Variants in NCOR1 observed in about 807,000 individuals in gnomAD.
The protein encoded by NCOR1 is nuclear receptor corepressor 1.
A neutral mutation model predicts 288.1 loss-of-function variants in NCOR1; 63 were observed. The ratio of observed to expected loss-of-function variants is 0.22; its 90% CI spans 0.18 to 0.27. The LOEUF (loss-of-function observed/expected upper bound fraction) is 0.27. Ranked by LOEUF, NCOR1 falls within the 10% of genes least tolerant of loss-of-function variation. NCOR1 has a pLI of 1.00. For missense variants in NCOR1, 2,397 were observed against 3,019.2 expected (o/e 0.79, Z 4.83); for synonymous variants, 1,007 against 1,065.9 (o/e 0.94, Z 1.08).
rs115674252 is a variant in NCOR1 at position 16,064,079 on chromosome 17, T to G, written c.5210A>C (p.Tyr1737Ser). The G allele has an allele frequency of 6.2e-7, 1 of 1,613,882 alleles. No homozygotes were observed. Among genetic ancestry groups the G allele is most frequent in the African/African-American group, 1.3e-5 (1 of 74,876 alleles). ...TGCCTTTCACTGACCTGGCCGCAGGTAGAGGTCGGAGGAAGCTGCAGCAAT... is the reference window on the plus strand; with the variant it reads ...TGCCTTTCACTGACCTGGCCGCAGGGAGAGGTCGGAGGAAGCTGCAGCAAT... Reference protein sequence around the residue: ...ERIAAASSDLYLRPGSEQPGR... With the variant: ...ERIAAASSDLSLRPGSEQPGR... Residue 1737 changes from tyrosine (Y) to serine (S), a missense_variant, in exon 35 of 46, where the codon TAC becomes TCC. Tyr to Ser is a moderately radical substitution (Grantham distance 144). Around this residue, in one of 11 missense-constraint regions of NCOR1, gnomAD observed 1,872 missense variants for 2,187.8 expected, o/e 0.86. Transcript: ENST00000268712.
chr17:16,046,805 A>G lies in NCOR1; in HGVS notation c.6679+146T>C, dbSNP rs1597809281. 5.5e-6 allele frequency: 5 copies of G among 910,398 alleles called. No homozygotes were observed. In the East Asian group the frequency reaches 1.4e-4, roughly 26 times the overall value. The allele number at this position is 910,398 out of a possible 1,614,324, so 56.4% of individuals were successfully genotyped here. ...TAGAACTCTTCATGGGCTGGCAGACACTTGAGAAGGAACTCTAGGATCAGA... is the reference window on the plus strand; with the variant it reads ...TAGAACTCTTCATGGGCTGGCAGACGCTTGAGAAGGAACTCTAGGATCAGA... On this transcript the variant is annotated intron_variant, in intron 42 of 45. Transcript: ENST00000268712.
At chr17:16,139,286 G>A (rs753515688) in intron 11 of NCOR1, 100 bp from the exon 12 acceptor site, 8 of 902,970 alleles carry the variant, frequency 8.9e-6, no homozygotes, top group Non-Finnish European at 1.3e-5. Flanking sequence ...AACCATGTAT[G>A]CAGTTTAATA....
Position 16,050,823 on chromosome 17 carries a change from ATTTTATTTTTAT to A in NCOR1, c.6393-1847_6393-1836del, listed in dbSNP as rs530473066. Among the ~76,000 whole-genome samples the A allele has an allele frequency of 8.3e-3, 1,265 of 151,742 alleles. 13 individuals are homozygous for A. Among genetic ancestry groups the A allele is most frequent in the African/African-American group, 0.029 (1,192 of 41,354 alleles). On this transcript the variant is annotated intron_variant, in intron 40 of 45. Coordinates refer to ENST00000268712, the MANE Select transcript of NCOR1 (RefSeq NM_006311.4). ...TGATTTGCCTTCTCTGTTGTTGCCC[ATTTTATTTTTAT>A]TTTTATTTTTATTTTTGAGACAGGG...
chr17:16,138,909 A>C (rs1393187230), intron 12 of NCOR1, 99 bp downstream of exon 12: 15 of 916,156 alleles, frequency 1.6e-5, no homozygotes, highest in Non-Finnish European at 1.9e-5. Flanking sequence ...AAATGGGACC[A>C]AGTTTTTGTG....
chr17:16,050,974 A>G (rs573064610), intron 40 of NCOR1, among the ~76,000 whole-genome samples: 15 of 152,244 alleles, frequency 9.9e-5, no homozygotes, highest in Non-Finnish European at 1.9e-4. Flanking sequence ...CTGGGACTAC[A>G]GGTGCATGCC....
intron 11 of NCOR1, among the ~76,000 whole-genome samples, chr17:16,140,422 T>C (rs1427457794): frequency 6.6e-6 from 1 of 152,078 alleles, no homozygotes; most frequent in East Asian, 1.9e-4. Context: ...CCAGCACTTT[T>C]GGAGGCCAAG....
In NCOR1 at chr17:16,073,666, A is replaced by G. The variant is rs796963184; in HGVS notation, c.3671-97T>C. The G allele has an allele frequency of 2.6e-5, 26 of 1,011,556 alleles. No individual in the cohort carries two copies. In the African/African-American group the frequency reaches 4.0e-4, roughly 16 times the overall value. The allele number at this position is 1,011,556 out of a possible 1,614,324, so 62.7% of individuals were successfully genotyped here. ...TCATAGTCTATCTTATAAAAATAATAATATTAAAACTTGTCTTAACCTACA... is the reference window on the plus strand; with the variant it reads ...TCATAGTCTATCTTATAAAAATAATGATATTAAAACTTGTCTTAACCTACA... On this transcript the variant is annotated intron_variant, in intron 27 of 45. Coordinates refer to ENST00000268712, the MANE Select transcript of NCOR1 (RefSeq NM_006311.4).
intron 19 of NCOR1, 34 bp downstream of exon 19, chr17:16,108,752 A>G: frequency 1.9e-6 from 3 of 1,562,266 alleles, no homozygotes; most frequent in Non-Finnish European, 2.6e-6. Flanking sequence ...TCTGGATAGC[A>G]GATGTCACAA....
intron 23 of NCOR1, among the ~76,000 whole-genome samples, chr17:16,084,934 GA>G (rs1203048554): frequency 6.6e-6 from 1 of 151,820 alleles, no homozygotes; most frequent in East Asian, 1.9e-4. Flanking sequence ...AATCATAGGA[GA>G]AAAAAGTGTG....
At chr17:16,155,385 A>C (rs187638997) in intron 6 of NCOR1, among the ~76,000 whole-genome samples, 17 of 151,494 alleles carry the variant, frequency 1.1e-4, no homozygotes, top group South Asian at 2.1e-4. Context: ...ACACACACAC[A>C]CACACACCCA....
chr17:16,149,431 T>C lies in NCOR1; in HGVS notation c.909+20A>G. The C allele has an allele frequency of 6.9e-7, 1 of 1,443,668 alleles. No individual in the cohort carries two copies. The highest frequency in any genetic ancestry group is 2.4e-5 in the East Asian group (1 of 41,300). 89.4% of individuals were successfully genotyped at this position (1,443,668 alleles called of 1,614,324 possible). A position where few individuals can be genotyped will look rare whatever the true frequency, so the allele number is the denominator to read the frequency against. ...ATGGGAAAGCTGTATAAATTTCAGT[T>C]AACAAGGATAGGACCTCACCCTTTG... On this transcript the variant is annotated intron_variant, in intron 9 of 45. Transcript: ENST00000268712.
chr17:16,032,348 G>T lies in NCOR1; in HGVS notation c.7271C>A (p.Pro2424His). Residue 2424 changes from proline to histidine, a missense_variant, in exon 46 of 46, where the codon CCT (proline) becomes CAT (histidine). Coordinates refer to ENST00000268712, the MANE Select transcript of NCOR1 (RefSeq NM_006311.4). ...GTACTGTGCTGAGAGCAGTGGGGCA[G>T]GCTCTCGCTCCCAGATCCTGTTCTG... is the stretch of plus-strand genomic sequence containing the variant. The part of the protein sequence containing the change: ...HQQNRIWERE[P>H]APLLSAQYET... 6.2e-7 allele frequency: 1 copy of T among 1,614,180 alleles called. No individual in the cohort carries two copies. The highest frequency in any genetic ancestry group is 8.5e-7 in the Non-Finnish European group (1 of 1,180,018).
chr17:16,103,386 T>G (rs1309817259), intron 19 of NCOR1, among the ~76,000 whole-genome samples: 1 of 152,240 alleles, frequency 6.6e-6, no homozygotes. Context: ...CAGACCATTC[T>G]TTACAACAAA....
intron 21 of NCOR1, among the ~76,000 whole-genome samples, chr17:16,095,206 T>G (rs1348365700): frequency 6.8e-6 from 1 of 146,846 alleles, no homozygotes; most frequent in Non-Finnish European, 1.5e-5. Context: ...GGGGAGCGCC[T>G]CTACCCCGCC....
At chr17:16,100,646 G>GA (rs898233405) in intron 20 of NCOR1, among the ~76,000 whole-genome samples, 10 of 151,588 alleles carry the variant, frequency 6.6e-5, no homozygotes, top group Admixed American at 2.0e-4. Flanking sequence ...CTCAAAAAAA[G>GA]AAAAAAAACT....
chr17:16,107,445 A>C (rs9907273), intron 19 of NCOR1, among the ~76,000 whole-genome samples: 4 of 151,936 alleles, frequency 2.6e-5, no homozygotes, highest in Non-Finnish European at 1.5e-5. Flanking sequence ...ACAAAGTAAC[A>C]AGGCGGTTAG....
At chr17:16,092,684 TATATATATA>T (rs1393925622) in intron 21 of NCOR1, among the ~76,000 whole-genome samples, 440 of 18,064 alleles carry the variant, frequency 0.024, 12 homozygotes, top group Non-Finnish European at 0.032. Flanking sequence ...TATATATATA[TATATATATA>T]TATTTTTTTT....
chr17:16,170,223 CA>C (rs1384558909), intron 4 of NCOR1, among the ~76,000 whole-genome samples: 1 of 151,346 alleles, frequency 6.6e-6, no homozygotes, highest in African/African-American at 2.4e-5. Flanking sequence ...GCATAAAACT[CA>C]AAGAAAATGT....
At chr17:16,212,298 C>T (rs1366184559) in intron 1 of NCOR1, among the ~76,000 whole-genome samples, 1 of 151,898 alleles carries the variant, frequency 6.6e-6, no homozygotes, top group Non-Finnish European at 1.5e-5. Flanking sequence ...AAAAGATAAT[C>T]TATAGACTGA....
Sources: allele counts gnomAD v4.1 joint callset (sites outside exome capture counted in the v4.1 genomes callset), GRCh38; gene constraint gnomAD v4.1.1; regional missense constraint gnomAD v4.1.1; transcripts MANE v1.5; gene names NCBI Gene and HGNC (gene_info 2026-07-23, HGNC 2026-07-21).